INTU: variants seen among roughly 807,000 people sequenced by gnomAD.
INTU encodes the protein protein inturned.
A neutral mutation model predicts 100.5 loss-of-function variants in INTU; 68 were observed. That is an observed-to-expected ratio of 0.68 (90% CI 0.56 to 0.83). The LOEUF is 0.83. Ranked by LOEUF, INTU falls within the 40% of genes least tolerant of loss-of-function variation. The pLI, the probability that INTU is intolerant of heterozygous loss-of-function variation, is 0.00. For missense variants in INTU, 1,071 were observed against 1,114.7 expected (o/e 0.96, Z 0.56); for synonymous variants, 357 against 395.7 (o/e 0.90, Z 1.16).
chr4:127,707,063 A>G (rs1730914193), intron 12 of INTU, 94 bp downstream of exon 12: 2 of 1,365,180 alleles, frequency 1.5e-6, no homozygotes, highest in African/African-American at 2.9e-5. Flanking sequence ...GTGGCATACC[A>G]TTCTTCATTT....
At chr4:127,698,896 C>CA (rs1401913574) in intron 8 of INTU, among the ~76,000 whole-genome samples, 1 of 151,726 alleles carries the variant, frequency 6.6e-6, no homozygotes, top group Non-Finnish European at 1.5e-5. Flanking sequence ...CTAATAGCCA[C>CA]AAAAAAAGGG....
chr4:127,642,013 G>GAT (rs140844596), intron 1 of INTU, among the ~76,000 whole-genome samples: 81 of 151,150 alleles, frequency 5.4e-4, no homozygotes, highest in Middle Eastern at 3.4e-3. Context: ...TGTTTAAATT[G>GAT]ATATATATAT....
intron 7 of INTU, chr4:127,687,077 C>G (rs1270654593): frequency 6.6e-6 from 1 of 152,126 alleles, no homozygotes; most frequent in Non-Finnish European, 1.5e-5. Context: ...ATAACTTATG[C>G]TTATTATGTA....
At chr4:127,639,871 C>T (rs1045566400) in intron 1 of INTU, among the ~76,000 whole-genome samples, 2 of 152,104 alleles carry the variant, frequency 1.3e-5, no homozygotes, top group Non-Finnish European at 2.9e-5. Flanking sequence ...ATTTATTTCT[C>T]CTATCTAACT....
chr4:127,684,581 A>G, intron 7 of INTU, 95 bp downstream of exon 7: 1 of 676,880 alleles, frequency 1.5e-6, no homozygotes, highest in Non-Finnish European at 2.4e-6. Flanking sequence ...CAGGTTAGTT[A>G]TTTGTCTCTT....
intron 8 of INTU, among the ~76,000 whole-genome samples, chr4:127,698,501 G>C (rs1362948911): frequency 6.6e-6 from 1 of 151,010 alleles, no homozygotes; most frequent in African/African-American, 2.4e-5. Flanking sequence ...TAACATGCCT[G>C]GCAATTTTAG....
Position 127,706,977 on chromosome 4 carries a change from C to T in INTU, c.2271+8C>T. On this transcript the variant is annotated splice_region_variant and intron_variant, in intron 12 of 15. Coordinates refer to ENST00000335251, the MANE Select transcript of INTU (RefSeq NM_015693.4). ...AGTGGGACCTTGCTTAAGGTGTGTG[C>T]TTATTCAAGTGTGTATGTTCTGGGA... is the stretch of plus-strand genomic sequence containing the variant. 1 of 1,606,476 alleles carries T rather than the reference C, an allele frequency of 6.2e-7. No individual in the cohort carries two copies. Among genetic ancestry groups the T allele is most frequent in the South Asian group, 1.1e-5 (1 of 89,872 alleles).
At chr4:127,651,451 C>A (rs1289169080) in intron 2 of INTU, among the ~76,000 whole-genome samples, 5 of 152,198 alleles carry the variant, frequency 3.3e-5, no homozygotes, top group Non-Finnish European at 7.3e-5. Context: ...AGCCAGTTAT[C>A]CCAGCACCAT....
chr4:127,683,071 A>G (rs1729657034), intron 6 of INTU, among the ~76,000 whole-genome samples: 3 of 152,172 alleles, frequency 2.0e-5, no homozygotes, highest in African/African-American at 4.8e-5. Flanking sequence ...TGAAGCCAAC[A>G]AAGGACTGTC....
intron 15 of INTU, among the ~76,000 whole-genome samples, chr4:127,715,142 AT>A (rs1300983727): frequency 6.6e-6 from 1 of 152,178 alleles, no homozygotes. Context: ...ATGAACAAAG[AT>A]GCGAACAGTG....
intron 2 of INTU, among the ~76,000 whole-genome samples, chr4:127,650,760 G>C (rs1346826248): frequency 2.6e-5 from 4 of 151,414 alleles, no homozygotes; most frequent in Middle Eastern, 3.4e-3. Context: ...TGGGTCAAAT[G>C]GTATTTCTAG....
chr4:127,676,516 G>A (rs553638467), intron 6 of INTU, among the ~76,000 whole-genome samples: 3 of 151,666 alleles, frequency 2.0e-5, no homozygotes, highest in African/African-American at 7.3e-5. Context: ...GGCCTTGGAG[G>A]CAGAGGTTGC....
At chr4:127,700,172 A>G (rs1730587582) in intron 9 of INTU, 109 bp downstream of exon 9, 3 of 860,458 alleles carry the variant, frequency 3.5e-6, no homozygotes, top group Non-Finnish European at 5.4e-6. Flanking sequence ...TGAAATACAC[A>G]TTAGGCCTCT....
chr4:127,695,119 G>T (rs182793923), intron 8 of INTU, among the ~76,000 whole-genome samples: 44 of 152,220 alleles, frequency 2.9e-4, no homozygotes, highest in African/African-American at 1.1e-3. Flanking sequence ...CATGAACATG[G>T]AATATCTCTC....
At chr4:127,637,833 G>A (rs61002561) in intron 1 of INTU, among the ~76,000 whole-genome samples, 2,906 of 152,308 alleles carry the variant, frequency 0.019, 88 homozygotes, top group African/African-American at 0.066. Context: ...GGTAGGAAAT[G>A]TGACCCGGGG....
At chr4:127,693,983 T>C (rs745561991) in intron 8 of INTU, among the ~76,000 whole-genome samples, 1 of 152,182 alleles carries the variant, frequency 6.6e-6, no homozygotes, top group Non-Finnish European at 1.5e-5. Flanking sequence ...TAGTATTTTG[T>C]TGAGGATTTT....
Position 127,643,804 on chromosome 4 carries a change from C to T in INTU, c.430C>T (p.His144Tyr). 2.5e-6 allele frequency: 4 copies of T among 1,613,974 alleles called. No homozygotes were observed. The highest frequency in any genetic ancestry group is 2.2e-5 in the East Asian group (1 of 44,872). ...NDNGPVSILK[H>Y]QSNQKTGVIV... Reference sequence around the variant, plus strand: ...CAATGGACCAGTATCCATTCTAAAGCATCAGTCCAATCAGAAGACAGGAGT... The same window carrying T: ...CAATGGACCAGTATCCATTCTAAAGTATCAGTCCAATCAGAAGACAGGAGT... Residue 144 changes from histidine to tyrosine, a missense_variant, in exon 2 of 16, where the codon CAT (histidine) becomes TAT (tyrosine). His to Tyr is a moderately conservative substitution (Grantham distance 83). Coordinates refer to ENST00000335251, the MANE Select transcript of INTU (RefSeq NM_015693.4).
intron 9 of INTU, among the ~76,000 whole-genome samples, chr4:127,702,966 G>A (rs1276013843): frequency 1.3e-5 from 2 of 152,124 alleles, no homozygotes; most frequent in Non-Finnish European, 2.9e-5. Flanking sequence ...TCCCTGCCCT[G>A]TTCAGCCCCA....
At chr4:127,648,823 G>GT (rs576395633) in intron 2 of INTU, among the ~76,000 whole-genome samples, 99 of 144,592 alleles carry the variant, frequency 6.8e-4, no homozygotes, top group Middle Eastern at 3.6e-3. Context: ...ATCTTGTTGT[G>GT]TTTTTTTTTT....
Sources: allele counts gnomAD v4.1 joint callset (sites outside exome capture counted in the v4.1 genomes callset), GRCh38; gene constraint gnomAD v4.1.1; transcripts MANE v1.5; gene names NCBI Gene and HGNC (gene_info 2026-07-23, HGNC 2026-07-21).